Variants in AFAP1 observed in about 807,000 individuals in gnomAD.
AFAP1 encodes the protein actin filament associated protein 1, also known as actin filament-associated protein 1.
A neutral mutation model predicts 93.9 loss-of-function variants in AFAP1; 75 were observed. The ratio of observed to expected loss-of-function variants is 0.80; its 90% CI spans 0.66 to 0.97. AFAP1 has a LOEUF of 0.97. AFAP1 is among the 50% of genes least tolerant of loss of function. The pLI is 0.00. For synonymous variants in AFAP1, 517 were observed against 430.7 expected, an observed-to-expected ratio of 1.20 and a Z score of -2.48; for missense variants, 1,201 against 1,050.8, an observed-to-expected ratio of 1.14 and a Z score of -1.98.
chr4:7,861,782 G>A (rs908042450), intron 3 of AFAP1, among the ~76,000 whole-genome samples: 6 of 152,248 alleles, frequency 3.9e-5, no homozygotes, highest in East Asian at 3.8e-4. Flanking sequence ...CCTCAAAGAT[G>A]ATGAAAAAGG....
At chr4:7,926,009 C>T (rs368679237) in intron 1 of AFAP1, among the ~76,000 whole-genome samples, 47 of 152,324 alleles carry the variant, frequency 3.1e-4, no homozygotes, top group Admixed American at 1.8e-3. Context: ...AGCTGCCCAA[C>T]AGCTGTGAGT....
chr4:7,916,528 C>T lies in AFAP1; in HGVS notation c.-3+23128G>A, dbSNP rs187734559. Among the ~76,000 whole-genome samples the T allele has an allele frequency of 3.0e-3, 464 of 152,234 alleles. 1 individual carries two copies. The highest frequency in any genetic ancestry group is 4.2e-3 in the Admixed American group (65 of 15,296). ...CCAAATGGGAAATTTCCTGACCCAG[C>T]GAAACCAGCATCAAGTCCACTTACT... On this transcript the variant is annotated intron_variant, in intron 1 of 17. Transcript: ENST00000420658.
rs772325624 is a variant in AFAP1, at chr4:7,868,706, C to A, written c.141G>T (p.Lys47Asn). The A allele has an allele frequency of 1.9e-6, 3 of 1,613,404 alleles. No individual in the cohort carries two copies. The South Asian group carries it at 3.3e-5, about 18-fold the overall frequency. ...CGGTCTCCTGCTTCTGAGCATGGTC[C>A]TTCACATCAAAACCTGTAAGAATTA... ...RIQSSKGFDVKDHAQKQETAN... is the reference protein window; with the variant it reads ...RIQSSKGFDVNDHAQKQETAN... The change falls in exon 3 of 18, where the codon AAG becomes AAT. Residue 47 changes from lysine to asparagine, a missense_variant. Lys to Asn is a moderately conservative substitution (Grantham distance 94). Transcript: ENST00000420658.
chr4:7,874,506 G>A (rs1347415505), intron 1 of AFAP1, among the ~76,000 whole-genome samples: 1 of 143,188 alleles, frequency 7.0e-6, no homozygotes, highest in East Asian at 2.0e-4. Context: ...TGGGACTACA[G>A]GCACCTACCA....
intron 7 of AFAP1, among the ~76,000 whole-genome samples, chr4:7,817,490 C>T (rs1031146200): frequency 1.5e-4 from 23 of 152,228 alleles, no homozygotes; most frequent in Non-Finnish European, 3.1e-4. Context: ...ACTCAGGAGG[C>T]TGAGACAGGA....
At chr4:7,880,951 G>T (rs926710222) in intron 1 of AFAP1, among the ~76,000 whole-genome samples, 1 of 152,292 alleles carries the variant, frequency 6.6e-6, no homozygotes, top group South Asian at 2.1e-4. Flanking sequence ...CTTTACTGAT[G>T]TGCAAAACAC....
At chr4:7,885,029 CG>C (rs1431655061) in intron 1 of AFAP1, among the ~76,000 whole-genome samples, 7 of 152,160 alleles carry the variant, frequency 4.6e-5, no homozygotes, top group Non-Finnish European at 1.0e-4. Flanking sequence ...AAAGGCAGGA[CG>C]CTGGAGAACT....
chr4:7,898,707 C>G lies in AFAP1; in HGVS notation c.-2-26627G>C, dbSNP rs77248734. Among the ~76,000 whole-genome samples, 838 of 150,570 alleles carry G rather than the reference C, an allele frequency of 5.6e-3. 4 individuals are homozygous for G. Among genetic ancestry groups the G allele is most frequent in the Non-Finnish European group, 9.9e-3 (673 of 67,752 alleles). Reference sequence around the variant, plus strand: ...CCCTTTGTGAACCCATCCTGTCTTTCCCCTGGCAACTTAAGGACGCTCTCA... The same window carrying G: ...CCCTTTGTGAACCCATCCTGTCTTTGCCCTGGCAACTTAAGGACGCTCTCA... On this transcript the variant is annotated intron_variant, in intron 1 of 17. Coordinates refer to ENST00000420658, the MANE Select transcript of AFAP1 (RefSeq NM_001134647.2).
At chr4:7,929,435 A>G (rs1325209530) in intron 1 of AFAP1, among the ~76,000 whole-genome samples, 1 of 152,218 alleles carries the variant, frequency 6.6e-6, no homozygotes, top group African/African-American at 2.4e-5. Context: ...GAATTCAGGA[A>G]AAGCTGAACA....
intron 1 of AFAP1, among the ~76,000 whole-genome samples, chr4:7,926,503 C>T (rs558269173): frequency 4.6e-5 from 7 of 152,144 alleles, no homozygotes; most frequent in Non-Finnish European, 7.3e-5. Flanking sequence ...GGTTAGAAGA[C>T]GCACTGCTCA....
At chr4:7,811,365 G>A (rs1247199888) in intron 8 of AFAP1, among the ~76,000 whole-genome samples, 1 of 151,288 alleles carries the variant, frequency 6.6e-6, no homozygotes, top group Non-Finnish European at 1.5e-5. Context: ...GAACTGCAGA[G>A]GAAGAGCGGC....
intron 17 of AFAP1, 75 bp downstream of exon 17, chr4:7,768,769 A>G: frequency 6.9e-7 from 1 of 1,451,976 alleles, no homozygotes; most frequent in Non-Finnish European, 9.1e-7. Flanking sequence ...TGGGCTCCCT[A>G]CTCACACCCG....
At chr4:7,794,477 T>C (rs1159856379) in intron 10 of AFAP1, among the ~76,000 whole-genome samples, 4 of 152,322 alleles carry the variant, frequency 2.6e-5, no homozygotes, top group Admixed American at 2.0e-4. Flanking sequence ...AAGTCTGAAA[T>C]ATGTCTTTAA....
intron 3 of AFAP1, among the ~76,000 whole-genome samples, chr4:7,856,616 C>A (rs986288727): frequency 2.6e-5 from 4 of 152,168 alleles, no homozygotes; most frequent in Non-Finnish European, 5.9e-5. Context: ...TATGGACGAG[C>A]TGGGGGCTCA....
chr4:7,805,463 T>A (rs890146785), intron 9 of AFAP1, among the ~76,000 whole-genome samples: 15 of 152,180 alleles, frequency 9.9e-5, no homozygotes, highest in African/African-American at 3.4e-4. Context: ...AGGTCTGGTA[T>A]GCTTAGGTGA....
chr4:7,877,750 T>C (rs920070328), intron 1 of AFAP1, among the ~76,000 whole-genome samples: 1 of 152,246 alleles, frequency 6.6e-6, no homozygotes, highest in Admixed American at 6.5e-5. Context: ...TGAGACGTTA[T>C]ACCCATTTTG....
Position 7,778,845 on chromosome 4 carries a change from T to A in AFAP1, c.1814A>T (p.Asn605Ile). 6.2e-7 allele frequency: 1 copy of A among 1,614,098 alleles called. No individual in the cohort carries two copies. Among genetic ancestry groups the A allele is most frequent in the Non-Finnish European group, 8.5e-7 (1 of 1,179,984 alleles). Residue 605 changes from asparagine to isoleucine, a missense_variant, in exon 14 of 18, where the codon AAT (asparagine) becomes ATT (isoleucine). By Grantham distance (149) the Asn-to-Ile change is moderately radical. Transcript: ENST00000420658. ...LKGKKPPVAS[N>I]GVTGKGKTLS... ...AGTCTTCCCTTTTCCTGTGACCCCA[T>A]TAGACGCCACGGGGGGCTTTTTACC...
At chr4:7,805,904 C>G (rs1454044709) in intron 9 of AFAP1, among the ~76,000 whole-genome samples, 2 of 152,192 alleles carry the variant, frequency 1.3e-5, no homozygotes, top group African/African-American at 4.8e-5. Context: ...CGTTTCAAAA[C>G]TTCCATCTGG....
At chr4:7,797,013 T>C (rs776473701) in intron 10 of AFAP1, among the ~76,000 whole-genome samples, 3 of 151,744 alleles carry the variant, frequency 2.0e-5, no homozygotes, top group African/African-American at 7.3e-5. Flanking sequence ...TAAGCCGAGA[T>C]TGCGCCACTG....
Sources: gnomAD v4.1 joint callset for allele counts (sites outside exome capture counted in the v4.1 genomes callset) on GRCh38, gnomAD v4.1.1 for gene constraint, MANE v1.5 for transcripts, NCBI Gene and HGNC (gene_info 2026-07-23, HGNC 2026-07-21) for gene names.